GPRC5A: variants seen among roughly 807,000 people sequenced by gnomAD.
The protein encoded by GPRC5A is G protein-coupled receptor class C group 5 member A.
Under a neutral mutation model 22.5 loss-of-function variants are expected in GPRC5A, and 19 were observed. That is an observed-to-expected ratio of 0.85 (90% CI 0.59 to 1.24). The LOEUF is 1.24. Among genes scored for constraint, GPRC5A ranks in the 50% most tolerant of loss-of-function variants. GPRC5A has a pLI of 0.00. For synonymous variants in GPRC5A, 192 were observed against 184.5 expected, an observed-to-expected ratio of 1.04 and a Z score of -0.33; for missense variants, 471 against 451.1, an observed-to-expected ratio of 1.04 and a Z score of -0.40.
chr12:12,909,377 T>C lies in GPRC5A; in HGVS notation c.922+206T>C, dbSNP rs567148286. 151 of 539,330 alleles carry C rather than the reference T, an allele frequency of 2.8e-4. 1 individual carries two copies. The highest frequency in any genetic ancestry group is 2.5e-3 in the African/African-American group (133 of 53,286). 33.4% of individuals were successfully genotyped at this position (539,330 alleles called of 1,614,324 possible). On this transcript the variant is annotated intron_variant, in intron 2 of 3. Coordinates refer to ENST00000014914, the MANE Select transcript of GPRC5A (RefSeq NM_003979.4). ...ACGAAGCTGGCCTCTGGAGTCTTTATTGAGTACTTTGTACAATTGGTGTAG... is the reference window on the plus strand; with the variant it reads ...ACGAAGCTGGCCTCTGGAGTCTTTACTGAGTACTTTGTACAATTGGTGTAG...
intron 1 of GPRC5A, among the ~76,000 whole-genome samples, chr12:12,905,852 G>A (rs1490134979): frequency 6.6e-6 from 1 of 152,170 alleles, no homozygotes; most frequent in East Asian, 1.9e-4. Context: ...ACAGCTAGTG[G>A]CTTCCTGATT....
intron 1 of GPRC5A, among the ~76,000 whole-genome samples, chr12:12,902,496 C>T (rs1168726049): frequency 2.6e-5 from 4 of 151,984 alleles, no homozygotes; most frequent in Non-Finnish European, 5.9e-5. Context: ...GACATGGGGG[C>T]TCACACCTGT....
At chr12:12,906,167 AACTTG>A (rs1227311797) in intron 1 of GPRC5A, among the ~76,000 whole-genome samples, 1 of 152,238 alleles carries the variant, frequency 6.6e-6, no homozygotes, top group African/African-American at 2.4e-5. Context: ...TTGGGCATGT[AACTTG>A]ACTTCTCTGC....
intron 1 of GPRC5A, among the ~76,000 whole-genome samples, chr12:12,897,896 C>T (rs1654843644): frequency 6.6e-6 from 1 of 152,070 alleles, no homozygotes; most frequent in Non-Finnish European, 1.5e-5. Context: ...AGGTGTGAGC[C>T]ACTGCGCCCG....
intron 1 of GPRC5A, among the ~76,000 whole-genome samples, chr12:12,904,912 ATC>A (rs1863926071): frequency 7.2e-6 from 1 of 139,360 alleles, no homozygotes; most frequent in Non-Finnish European, 1.5e-5. Context: ...TTGAGATGGA[ATC>A]TCTCTCTGTC....
intron 1 of GPRC5A, among the ~76,000 whole-genome samples, chr12:12,896,664 A>C (rs1304353529): frequency 6.6e-6 from 1 of 152,208 alleles, no homozygotes; most frequent in African/African-American, 2.4e-5. Flanking sequence ...TTTGCTCAGC[A>C]ATCACTGTGT....
chr12:12,894,087 G>T (rs1205924147), intron 1 of GPRC5A, among the ~76,000 whole-genome samples: 2 of 152,158 alleles, frequency 1.3e-5, no homozygotes, highest in Non-Finnish European at 2.9e-5. Context: ...ACACAGCAAT[G>T]CTCATATGTT....
At chr12:12,901,881 G>C (rs532980860) in intron 1 of GPRC5A, among the ~76,000 whole-genome samples, 1 of 151,710 alleles carries the variant, frequency 6.6e-6, no homozygotes, top group Non-Finnish European at 1.5e-5. Flanking sequence ...TAGATCTCCC[G>C]TCCTTTGACT....
chr12:12,904,698 C>A (rs1009458925), intron 1 of GPRC5A, among the ~76,000 whole-genome samples: 4 of 151,992 alleles, frequency 2.6e-5, no homozygotes, highest in Non-Finnish European at 5.9e-5. Flanking sequence ...TATCTGGTGT[C>A]ACTTTAACAC....
Position 12,909,081 on chromosome 12 carries a change from C to T in GPRC5A, c.832C>T (p.Pro278Ser), listed in dbSNP as rs548763065. ...AAAGCAACGAAACCCCATGGATTAT[C>T]CTGTTGAGGATGCTTTCTGTAAACC... The part of the protein sequence containing the change: ...LTKQRNPMDY[P>S]VEDAFCKPQL... Residue 278 changes from proline to serine, a missense_variant, in exon 2 of 4, where the codon CCT becomes TCT. By Grantham distance (74) the Pro-to-Ser change is moderately conservative. Coordinates refer to ENST00000014914, the MANE Select transcript of GPRC5A (RefSeq NM_003979.4). The T allele has an allele frequency of 3.1e-6, 5 of 1,605,654 alleles. No individual in the cohort carries two copies. The highest frequency in any genetic ancestry group is 4.2e-6 in the Non-Finnish European group (5 of 1,179,806).
rs1863965555 is a variant in GPRC5A, at chr12:12,908,426, C to G, written c.177C>G (p.Ser59=). The G allele has an allele frequency of 6.2e-7, 1 of 1,613,906 alleles. No homozygotes were observed. Among genetic ancestry groups the G allele is most frequent in the Non-Finnish European group, 8.5e-7 (1 of 1,179,988 alleles). Residue 59 remains serine, a synonymous_variant, in exon 2 of 4, where the codon TCC becomes TCG. Transcript: ENST00000014914. Reference sequence around the variant, plus strand: ...TCCTCGTCTGCAAGGTGCAGGACTCCAACAGGCGAAAAATGCTGCCTACTC... The same window carrying G: ...TCCTCGTCTGCAAGGTGCAGGACTCGAACAGGCGAAAAATGCTGCCTACTC... ...LPILVCKVQD[S]NRRKMLPTQF...
chr12:12,912,046 G>T, intron 2 of GPRC5A, 38 bp from the exon 3 acceptor site: 8 of 1,462,746 alleles, frequency 5.5e-6, no homozygotes, highest in South Asian at 1.1e-5. Flanking sequence ...ATAGGTGGGG[G>T]CCCCAGTGGT....
chr12:12,893,623 AT>A, intron 1 of GPRC5A, among the ~76,000 whole-genome samples: 1 of 152,290 alleles, frequency 6.6e-6, no homozygotes, highest in Non-Finnish European at 1.5e-5. Flanking sequence ...CAAATGTTCC[AT>A]TTGGACCATG....
In GPRC5A at chr12:12,908,732, C is replaced by T. The variant is rs760149753; in HGVS notation, c.483C>T (p.Asn161=). 2.4e-5 allele frequency: 38 copies of T among 1,614,026 alleles called. No individual in the cohort carries two copies. The highest frequency in any genetic ancestry group is 1.6e-4 in the Middle Eastern group (1 of 6,062). ...TTGTCCTGACCATGAATAGGACCAA[C>T]GTCAATGTCTTTTCTGAGCTTTCCG... The part of the protein sequence containing the change: ...EYIVLTMNRT[N]VNVFSELSAP... Residue 161 remains asparagine (N), a synonymous_variant, in exon 2 of 4, where the codon AAC becomes AAT. Transcript: ENST00000014914.
chr12:12,903,972 A>C (rs1406792912), intron 1 of GPRC5A, among the ~76,000 whole-genome samples: 1 of 152,242 alleles, frequency 6.6e-6, no homozygotes, highest in East Asian at 1.9e-4. Flanking sequence ...ACTTGTCCAC[A>C]AACAGTAATA....
At chr12:12,906,764 TAAG>T (rs1863945563) in intron 1 of GPRC5A, among the ~76,000 whole-genome samples, 1 of 151,418 alleles carries the variant, frequency 6.6e-6, no homozygotes, top group Non-Finnish European at 1.5e-5. Flanking sequence ...TTACACATCT[TAAG>T]GAGGAGGCCG....
chr12:12,907,120 A>G (rs1391960807), intron 1 of GPRC5A, among the ~76,000 whole-genome samples: 1 of 151,966 alleles, frequency 6.6e-6, no homozygotes, highest in African/African-American at 2.4e-5. Flanking sequence ...TCTGAACCAC[A>G]GAGCCTAAGA....
Position 12,915,770 on chromosome 12 carries a change from C to T in GPRC5A, c.*3231C>T. The T allele has an allele frequency of 2.3e-6, 1 of 444,040 alleles. No individual in the cohort carries two copies. The highest frequency in any genetic ancestry group is 4.8e-6 in the Non-Finnish European group (1 of 209,444). 27.5% of individuals were successfully genotyped at this position (444,040 alleles called of 1,614,324 possible). ...CTCTGAAAGTGCTGGGATACCGTGG[C>T]CTCTGAAAGTGCTGGGATTACAGGC... is the stretch of plus-strand genomic sequence containing the variant. On this transcript the variant is annotated 3_prime_UTR_variant, in exon 4 of 4. Coordinates refer to ENST00000014914, the MANE Select transcript of GPRC5A (RefSeq NM_003979.4).
At chr12:12,898,463 C>T (rs997872789) in intron 1 of GPRC5A, among the ~76,000 whole-genome samples, 31 of 151,698 alleles carry the variant, frequency 2.0e-4, no homozygotes, top group East Asian at 3.9e-4. Context: ...CCCAGGAAGT[C>T]GAAGCTGCCG....
Sources: gnomAD v4.1 joint callset for allele counts (sites outside exome capture counted in the v4.1 genomes callset) on GRCh38, gnomAD v4.1.1 for gene constraint, MANE v1.5 for transcripts, NCBI Gene and HGNC (gene_info 2026-07-23, HGNC 2026-07-21) for gene names.